The following DLGAP3 variants were observed in gnomAD, a reference collection of about 807,000 sequenced individuals.
DLGAP3 encodes disks large-associated protein 3.
A neutral mutation model predicts 81.2 loss-of-function variants in DLGAP3; 17 were observed. The observed-to-expected ratio is 0.21, with a 90% CI of 0.14 to 0.31. DLGAP3 has a LOEUF of 0.31. DLGAP3 is among the 10% of genes least tolerant of loss of function. The pLI, the probability that DLGAP3 is intolerant of heterozygous loss-of-function variation, is 1.00. For synonymous variants in DLGAP3, 577 were observed against 587.4 expected, an observed-to-expected ratio of 0.98 and a Z score of 0.26; for missense variants, 1,124 against 1,388.0, an observed-to-expected ratio of 0.81 and a Z score of 3.02.
chr1:34,895,593 G>A lies in DLGAP3; in HGVS notation c.1386+4076C>T, dbSNP rs1639369580. Among the ~76,000 whole-genome samples, 1 of 151,942 alleles carries A rather than the reference G, an allele frequency of 6.6e-6. No homozygotes were observed. The highest frequency in any genetic ancestry group is 2.4e-5 in the African/African-American group (1 of 41,366). Reference sequence around the variant, plus strand: ...CAACAAGCCTACCCAAAATCCATGTGTATATGCAAAGGAAACACAAAACAC... The same window carrying A: ...CAACAAGCCTACCCAAAATCCATGTATATATGCAAAGGAAACACAAAACAC... On this transcript the variant is annotated intron_variant, in intron 5 of 11. Transcript: ENST00000373347. This position sits in a 1 kb window ranked among gnomAD's most constrained non-coding sequence, Gnocchi z 4.5.
At chr1:34,910,797 T>C (rs957608178) in intron 1 of DLGAP3, among the ~76,000 whole-genome samples, 29 of 152,168 alleles carry the variant, frequency 1.9e-4, no homozygotes, top group Non-Finnish European at 3.8e-4. Flanking sequence ...CCATTTTAAA[T>C]TTGTGTGACT....
intron 2 of DLGAP3, among the ~76,000 whole-genome samples, chr1:34,907,018 G>A (rs1475936855): frequency 6.6e-6 from 1 of 152,008 alleles, no homozygotes; most frequent in African/African-American, 2.4e-5. Flanking sequence ...AGCCTCAAAG[G>A]CTCCAGACAG....
intron 1 of DLGAP3, among the ~76,000 whole-genome samples, chr1:34,907,690 G>A (rs538792413): frequency 3.9e-5 from 6 of 152,198 alleles, no homozygotes; most frequent in Non-Finnish European, 7.4e-5. Flanking sequence ...CCATGGTGCT[G>A]AGCCACTGCG....
rs1355046181 is a variant in DLGAP3 at position 34,905,020 on chromosome 1, G to T, written c.364C>A (p.Leu122Met). ...GGCAACTGCTTTTCAAACTGATCCAGGAGTGTAGGAGGCAGGCGGGGGGCA... is the reference window on the plus strand; with the variant it reads ...GGCAACTGCTTTTCAAACTGATCCATGAGTGTAGGAGGCAGGCGGGGGGCA... ...KGAPRLPPTLLDQFEKQLPVQ... is the reference protein window; with the variant it reads ...KGAPRLPPTLMDQFEKQLPVQ... Residue 122 changes from leucine to methionine, a missense_variant, in exon 3 of 12, where the codon CTG becomes ATG. Physicochemically the swap from Leu to Met is conservative, Grantham distance 15. This residue lies in a region of DLGAP3 where 167 missense variants were observed against 172.1 expected (regional missense o/e 0.97). Coordinates refer to ENST00000373347, the MANE Select transcript of DLGAP3 (RefSeq NM_001080418.3). 1 of 1,610,554 alleles carries T rather than the reference G, an allele frequency of 6.2e-7. No individual in the cohort carries two copies. The highest frequency in any genetic ancestry group is 1.1e-5 in the South Asian group (1 of 90,578).
Position 34,885,011 on chromosome 1 carries a change from T to C in DLGAP3, c.1967A>G (p.His656Arg). The stretch of plus-strand genomic sequence containing the variant: ...CTCTTCCACCTGCACGCCAATAGAG[T>C]GGAACTCCCTCCGGCTCCTGTTCTC... ...DTENRSRREF[H>R]SIGVQVEEDK... Residue 656 changes from histidine (H) to arginine (R), a missense_variant, in exon 8 of 12, where the codon CAC becomes CGC. This residue lies in a region of DLGAP3 where 379 missense variants were observed against 455.7 expected (regional missense o/e 0.83). Coordinates refer to ENST00000373347, the MANE Select transcript of DLGAP3 (RefSeq NM_001080418.3). 6.2e-7 allele frequency: 1 copy of C among 1,612,400 alleles called. No homozygotes were observed. Among genetic ancestry groups the C allele is most frequent in the Non-Finnish European group, 8.5e-7 (1 of 1,179,660 alleles).
chr1:34,927,207 T>C (rs1426058590), intron 1 of DLGAP3, among the ~76,000 whole-genome samples: 2 of 152,156 alleles, frequency 1.3e-5, no homozygotes, highest in East Asian at 3.8e-4. Flanking sequence ...GCCTTAGGCT[T>C]TTTGAGTCTT....
rs1638935976 is a variant in DLGAP3, at chr1:34,869,035, C to T, written c.2055G>A (p.Leu685=). The T allele has an allele frequency of 1.2e-6, 2 of 1,601,382 alleles. No individual in the cohort carries two copies. Among genetic ancestry groups the T allele is most frequent in the East Asian group, 4.5e-5 (2 of 44,796 alleles). Residue 685 remains leucine (L), a synonymous_variant, in exon 9 of 12, where the codon CTG becomes CTA. Coordinates refer to ENST00000373347, the MANE Select transcript of DLGAP3 (RefSeq NM_001080418.3). ...NSVTAGVQAD[L]ELEGLAGLAT... ...CCAGGCCTGCCAGGCCCTCCAGCTC[C>T]AGGTCTGCCTGCACGCCAGCCGTCA... is the stretch of plus-strand genomic sequence containing the variant.
intron 8 of DLGAP3, among the ~76,000 whole-genome samples, chr1:34,870,246 C>T (rs763971018): frequency 2.0e-5 from 3 of 152,078 alleles, no homozygotes; most frequent in Non-Finnish European, 2.9e-5. Context: ...AGTCAGTGGC[C>T]GCTTAAGATG....
intron 5 of DLGAP3, among the ~76,000 whole-genome samples, chr1:34,892,672 TGTGCCTACCTACC>T (rs1639330280): frequency 7.8e-6 from 1 of 127,600 alleles, no homozygotes; most frequent in Non-Finnish European, 1.7e-5. Context: ...TGCCCACTAC[TGTGCCTACCTACC>T]AAATTTAATT....
chr1:34,899,981 T>C, intron 4 of DLGAP3, 87 bp downstream of exon 4: 1 of 1,223,286 alleles, frequency 8.2e-7, no homozygotes, highest in Non-Finnish European at 1.2e-6. Context: ...CAGGACTACC[T>C]GACTGGCACC....
chr1:34,892,939 G>A (rs556531141), intron 5 of DLGAP3, among the ~76,000 whole-genome samples: 4 of 151,962 alleles, frequency 2.6e-5, no homozygotes, highest in African/African-American at 9.7e-5. Flanking sequence ...TTGGGAGGCC[G>A]AGGTGGGTGG....
intron 1 of DLGAP3, among the ~76,000 whole-genome samples, chr1:34,923,788 A>G (rs997672375): frequency 1.3e-5 from 2 of 152,134 alleles, no homozygotes; most frequent in Non-Finnish European, 2.9e-5. Context: ...GAGTTACATC[A>G]AAAACATGAT....
chr1:34,888,071 G>A (rs74064466), intron 5 of DLGAP3, among the ~76,000 whole-genome samples: 4,295 of 151,392 alleles, frequency 0.028, 215 homozygotes, highest in African/African-American at 0.1. Context: ...TAAGGTCCTC[G>A]ACAGCATCCC....
Position 34,867,084 on chromosome 1 carries a change from T to A in DLGAP3, c.2685A>T (p.Gln895His). Reference protein sequence around the residue: ...DVTLKFLELQQLKANSWKLLE... With the variant: ...DVTLKFLELQHLKANSWKLLE... ...GGAGTTTCCAGCTGTTGGCCTTGAG[T>A]TGCTGTAGCTCCAGGAACTTGAGGG... The change falls in exon 11 of 12, where the codon CAA becomes CAT. Residue 895 changes from glutamine to histidine, a missense_variant. Around this residue, in one of 9 missense-constraint regions of DLGAP3, gnomAD observed 133 missense variants for 171.1 expected, o/e 0.78. Transcript: ENST00000373347. The surrounding 1 kb of genome is among the most constrained non-coding windows in gnomAD (Gnocchi z 4.3). 6.2e-7 allele frequency: 1 copy of A among 1,614,082 alleles called. No individual in the cohort carries two copies. Among genetic ancestry groups the A allele is most frequent in the Non-Finnish European group, 8.5e-7 (1 of 1,179,990 alleles).
chr1:34,919,918 C>T (rs1639772137), intron 1 of DLGAP3, among the ~76,000 whole-genome samples: 2 of 152,210 alleles, frequency 1.3e-5, no homozygotes, highest in Admixed American at 6.5e-5. Context: ...CATCACAACC[C>T]TGGGGACAAA....
At position 34,885,698 on chromosome 1, in the gene DLGAP3, G is replaced by T; in HGVS notation, c.1694C>A (p.Ala565Glu). Residue 565 changes from alanine to glutamate, a missense_variant, in exon 7 of 12, where the codon GCG becomes GAG. This residue lies in a region of DLGAP3 where 379 missense variants were observed against 455.7 expected (regional missense o/e 0.83). Transcript: ENST00000373347. ...SITAQSSTDS[A>E]HESFTAAEGP... ...CTCGGCCGCCGTGAAGCTCTCGTGC[G>T]CGGAGTCGGTGCTGCTCTGGGCGGT... is the stretch of plus-strand genomic sequence containing the variant. 19 of 1,416,674 alleles carry T rather than the reference G, an allele frequency of 1.3e-5. No homozygotes were observed. The highest frequency in any genetic ancestry group is 1.6e-5 in the Non-Finnish European group (18 of 1,095,634). 87.8% of individuals were successfully genotyped at this position (1,416,674 alleles called of 1,614,324 possible).
At position 34,867,655 on chromosome 1, in the gene DLGAP3, G is replaced by C. The variant is rs754081612; in HGVS notation, c.2486-28C>G. 3.2e-6 allele frequency: 5 copies of C among 1,562,730 alleles called. No individual in the cohort carries two copies. The highest frequency in any genetic ancestry group is 1.7e-4 in the Middle Eastern group (1 of 5,878). On this transcript the variant is annotated intron_variant, in intron 9 of 11. Coordinates refer to ENST00000373347, the MANE Select transcript of DLGAP3 (RefSeq NM_001080418.3). The surrounding 1 kb of genome is among the most constrained non-coding windows in gnomAD (Gnocchi z 4.3). Reference sequence around the variant, plus strand: ...AGAAAGCAGAAGGAAATTCAGGGAGGGAAATGATGCATCTCCTTCCCCAGC... The same window carrying C: ...AGAAAGCAGAAGGAAATTCAGGGAGCGAAATGATGCATCTCCTTCCCCAGC...
chr1:34,913,624 C>T (rs986543733), intron 1 of DLGAP3, among the ~76,000 whole-genome samples: 28 of 152,184 alleles, frequency 1.8e-4, no homozygotes, highest in African/African-American at 5.1e-4. Context: ...AGAATATAAG[C>T]TCCAGAAGGG....
intron 8 of DLGAP3, among the ~76,000 whole-genome samples, chr1:34,876,366 AT>A (rs974249128): frequency 1.8e-4 from 27 of 152,304 alleles, no homozygotes; most frequent in African/African-American, 6.0e-4. Flanking sequence ...CTGCTCAGCA[AT>A]TTTTAAAACC....
Sources: allele counts gnomAD v4.1 joint callset (sites outside exome capture counted in the v4.1 genomes callset), GRCh38; gene constraint gnomAD v4.1.1; regional missense constraint gnomAD v4.1.1; non-coding constraint Gnocchi (gnomAD v3.1); transcripts MANE v1.5; gene names NCBI Gene and HGNC (gene_info 2026-07-23, HGNC 2026-07-21).